The following PLXDC2 variants were observed in gnomAD, a reference collection of about 807,000 sequenced individuals.
PLXDC2 encodes the protein plexin domain containing 2.
Under a neutral mutation model 68.9 loss-of-function variants are expected in PLXDC2, and 40 were observed. The observed-to-expected ratio is 0.58, with a 90% CI of 0.45 to 0.76. The LOEUF is 0.76. Among genes scored for constraint, PLXDC2 ranks in the 30% least tolerant of loss-of-function variants. The probability of loss-of-function intolerance (pLI) is 0.00; values close to 1 mark genes in which losing one functional copy is unlikely to be tolerated. For synonymous variants in PLXDC2, 243 were observed against 234.2 expected, an observed-to-expected ratio of 1.04 and a Z score of -0.34; for missense variants, 644 against 661.9, an observed-to-expected ratio of 0.97 and a Z score of 0.30.
intron 2 of PLXDC2, among the ~76,000 whole-genome samples, chr10:20,012,268 T>C (rs1490084123): frequency 9.3e-5 from 14 of 149,974 alleles, no homozygotes; most frequent in Non-Finnish European, 1.5e-5. Flanking sequence ...AGATCTAAGA[T>C]AGATAAGGGG....
At chr10:20,008,292 C>T (rs771379513) in intron 2 of PLXDC2, among the ~76,000 whole-genome samples, 3 of 152,134 alleles carry the variant, frequency 2.0e-5, no homozygotes, top group Non-Finnish European at 2.9e-5. Context: ...TGGTGGCTTA[C>T]GCCTGTAATC....
chr10:19,840,399 C>A (rs1836881502), intron 1 of PLXDC2, among the ~76,000 whole-genome samples: 1 of 152,062 alleles, frequency 6.6e-6, no homozygotes, highest in Non-Finnish European at 1.5e-5. Context: ...CTTCATTTTA[C>A]AAATATAACC....
intron 12 of PLXDC2, among the ~76,000 whole-genome samples, chr10:20,228,424 T>C (rs924658837): frequency 2.0e-5 from 3 of 151,718 alleles, no homozygotes; most frequent in Non-Finnish European, 4.4e-5. Context: ...TAGCAAGACA[T>C]GGTGGCACAC....
intron 6 of PLXDC2, among the ~76,000 whole-genome samples, chr10:20,150,661 G>A (rs1479848909): frequency 3.9e-5 from 6 of 152,158 alleles, no homozygotes; most frequent in South Asian, 2.1e-4. Context: ...CTGTAAAGAC[G>A]CAAGGTCAGT....
chr10:19,871,807 A>G (rs1054025037), intron 1 of PLXDC2, among the ~76,000 whole-genome samples: 1 of 150,292 alleles, frequency 6.7e-6, no homozygotes, highest in Non-Finnish European at 1.5e-5. Context: ...AATCACTTGA[A>G]CCCGGGAGGC....
intron 1 of PLXDC2, among the ~76,000 whole-genome samples, chr10:19,971,305 A>C (rs776167551): frequency 4.6e-5 from 7 of 152,214 alleles, no homozygotes; most frequent in Non-Finnish European, 7.3e-5. Flanking sequence ...AGTTATTTCA[A>C]GAGGTGAAAA....
chr10:19,993,645 C>A (rs774891423), intron 1 of PLXDC2, among the ~76,000 whole-genome samples: 1 of 152,190 alleles, frequency 6.6e-6, no homozygotes, highest in Non-Finnish European at 1.5e-5. Flanking sequence ...GTTTCAAACT[C>A]CTGACCTCAG....
chr10:19,909,366 C>T (rs760677567), intron 1 of PLXDC2, among the ~76,000 whole-genome samples: 11 of 152,090 alleles, frequency 7.2e-5, no homozygotes, highest in Non-Finnish European at 1.6e-4. Context: ...GAATTTATCC[C>T]GGAGACATAC....
At chr10:20,028,936 T>A (rs1835453885) in intron 2 of PLXDC2, among the ~76,000 whole-genome samples, 1 of 152,204 alleles carries the variant, frequency 6.6e-6, no homozygotes, top group South Asian at 2.1e-4. Flanking sequence ...ATTCGAGGCT[T>A]TGTGCATTCT....
chr10:20,168,763 A>C (rs1259510814), intron 7 of PLXDC2, among the ~76,000 whole-genome samples: 1 of 152,172 alleles, frequency 6.6e-6, no homozygotes, highest in Non-Finnish European at 1.5e-5. Context: ...ACTTATTATG[A>C]TTAGAAGCAT....
At chr10:19,844,262 G>A (rs1836960656) in intron 1 of PLXDC2, among the ~76,000 whole-genome samples, 1 of 152,156 alleles carries the variant, frequency 6.6e-6, no homozygotes, top group Admixed American at 6.5e-5. Context: ...ACTGGATTAG[G>A]ATCATAGTTT....
Position 20,282,024 on chromosome 10 carries a change from G to A in PLXDC2, c.*2205G>A, listed in dbSNP as rs1222463026. 3.3e-5 allele frequency: 5 copies of A among 151,864 alleles called. No homozygotes were observed. The highest frequency in any genetic ancestry group is 7.4e-5 in the Non-Finnish European group (5 of 67,968). 9.4% of individuals were successfully genotyped at this position (151,864 alleles called of 1,614,324 possible). On this transcript the variant is annotated 3_prime_UTR_variant, in exon 14 of 14. Transcript: ENST00000377252. The stretch of plus-strand genomic sequence containing the variant: ...CTTATACCCTTCAGCGTTCTATTTT[G>A]ATTCAAAACAATTGATTCAAAACAA...
intron 13 of PLXDC2, among the ~76,000 whole-genome samples, chr10:20,276,554 A>AC (rs1276754104): frequency 6.6e-6 from 1 of 152,170 alleles, no homozygotes; most frequent in Non-Finnish European, 1.5e-5. Context: ...CACACACTGC[A>AC]CCCAGTAATG....
chr10:19,848,743 G>T (rs570545522), intron 1 of PLXDC2, among the ~76,000 whole-genome samples: 2 of 152,144 alleles, frequency 1.3e-5, no homozygotes, highest in African/African-American at 2.4e-5. Context: ...TGGCTGTGTT[G>T]TACCCACAGG....
chr10:19,941,851 T>C (rs912955321), intron 1 of PLXDC2, among the ~76,000 whole-genome samples: 1 of 152,198 alleles, frequency 6.6e-6, no homozygotes, highest in Non-Finnish European at 1.5e-5. Context: ...TTCACATAGC[T>C]CTTCTCATTT....
At chr10:19,949,123 C>CAAAAAAAAAAAAAA (rs60138814) in intron 1 of PLXDC2, among the ~76,000 whole-genome samples, 2 of 82,920 alleles carry the variant, frequency 2.4e-5, no homozygotes, top group East Asian at 3.5e-4. Context: ...GAGACTTTGT[C>CAAAAAAAAAAAAAA]AAAAAAAAAA....
intron 4 of PLXDC2, among the ~76,000 whole-genome samples, chr10:20,082,053 AAAAAAAAAATC>A (rs1490824899): frequency 4.9e-5 from 7 of 142,336 alleles, no homozygotes; most frequent in African/African-American, 1.8e-4. Flanking sequence ...CTGAAAAAAA[AAAAAAAAAATC>A]AAAAAAAAAA....
chr10:19,931,788 G>A (rs148681828), intron 1 of PLXDC2, among the ~76,000 whole-genome samples: 6 of 152,238 alleles, frequency 3.9e-5, no homozygotes, highest in Admixed American at 3.9e-4. Context: ...CACCCTCCCT[G>A]CCATACAGAG....
chr10:20,045,683 G>A lies in PLXDC2; in HGVS notation c.325-1186G>A, dbSNP rs1564294686. 2.6e-5 allele frequency among the ~76,000 whole-genome samples: 4 copies of A among 151,658 alleles called. 1 individual carries two copies. Among genetic ancestry groups the A allele is most frequent in the Admixed American group, 2.6e-4 (4 of 15,218 alleles). ...GATTCATGTTTTGACTGGATTTCAG[G>A]AATAATTTTATTACATTTAATTATC... is the stretch of plus-strand genomic sequence containing the variant. On this transcript the variant is annotated intron_variant, in intron 2 of 13. Transcript: ENST00000377252.
Sources: allele counts gnomAD v4.1 joint callset (sites outside exome capture counted in the v4.1 genomes callset), GRCh38; gene constraint gnomAD v4.1.1; transcripts MANE v1.5; gene names NCBI Gene and HGNC (gene_info 2026-07-23, HGNC 2026-07-21).